Variants in CCDC171 observed in about 807,000 individuals in gnomAD.
CCDC171 encodes coiled-coil domain-containing protein 171.
In CCDC171, 177 loss-of-function variants were observed where a neutral mutation model predicts 168.2. That is an observed-to-expected ratio of 1.05 (90% CI 0.93 to 1.19). The LOEUF is 1.19. Ranked by LOEUF, CCDC171 falls within the 50% of genes most tolerant of loss-of-function variation. The pLI, the probability that CCDC171 is intolerant of heterozygous loss-of-function variation, is 0.00. For missense variants in CCDC171, 1,991 were observed against 1,539.0 expected, an observed-to-expected ratio of 1.29 and a Z score of -4.91; for synonymous variants, 687 against 540.8, an observed-to-expected ratio of 1.27 and a Z score of -3.75.
intron 3 of CCDC171, among the ~76,000 whole-genome samples, chr9:15,999,210 A>G (rs114476865): frequency 0.031 from 4,625 of 150,370 alleles, 211 homozygotes; most frequent in African/African-American, 0.11. Flanking sequence ...GACCCTTTTG[A>G]AAAAAAAAGG....
At chr9:15,912,959 TTCACG>T in intron 24 of CCDC171, among the ~76,000 whole-genome samples, 1 of 152,356 alleles carries the variant, frequency 6.6e-6, no homozygotes, top group East Asian at 1.9e-4. Context: ...ATTGAGGATT[TTCACG>T]TTGATATTCA....
rs547679290 is a variant in CCDC171, at chr9:15,717,154, G to A, written c.1319-4615G>A. Among the ~76,000 whole-genome samples, 17 of 152,306 alleles carry A rather than the reference G, an allele frequency of 1.1e-4. No individual in the cohort carries two copies. The South Asian group carries it at 3.3e-3, about 30-fold the overall frequency. On this transcript the variant is annotated intron_variant, in intron 11 of 25. Coordinates refer to ENST00000380701, the MANE Select transcript of CCDC171 (RefSeq NM_173550.4). ...TTCCATGCCCCAGCAGCGGCTATGT[G>A]GTGGGGGGAATCTGTGCACTTGGGG...
intron 24 of CCDC171, among the ~76,000 whole-genome samples, chr9:15,884,354 G>A (rs1302068328): frequency 6.6e-6 from 1 of 152,026 alleles, no homozygotes; most frequent in Non-Finnish European, 1.5e-5. Context: ...TTAAATATTT[G>A]CCATATAAAC....
chr9:15,581,386 C>G (rs940353409), intron 4 of CCDC171, among the ~76,000 whole-genome samples: 12 of 152,150 alleles, frequency 7.9e-5, no homozygotes, highest in African/African-American at 2.9e-4. Flanking sequence ...ATGCTGTCCC[C>G]ATCAAGCTAC....
rs549204961 is a variant in CCDC171, at chr9:15,660,987, A to G, written c.915+3768A>G. 3.9e-5 allele frequency among the ~76,000 whole-genome samples: 6 copies of G among 152,308 alleles called. No individual in the cohort carries two copies. In the East Asian group the frequency reaches 5.8e-4, roughly 15 times the overall value. On this transcript the variant is annotated intron_variant, in intron 8 of 25. Transcript: ENST00000380701. The stretch of plus-strand genomic sequence containing the variant: ...TCAGCAGCCTCACCAGCATCTTAAC[A>G]TGCTGTTTTTTTGCCGGGCGCGGGG...
intron 3 of CCDC171, among the ~76,000 whole-genome samples, chr9:16,010,466 G>T (rs554558121): frequency 6.3e-4 from 96 of 152,186 alleles, no homozygotes; most frequent in African/African-American, 2.2e-3. Context: ...GCAGCCATAT[G>T]TGTCTCTCTG....
downstream of CCDC171, among the ~76,000 whole-genome samples, chr9:16,066,326 A>T (rs530848696): frequency 1.3e-5 from 2 of 152,346 alleles, no homozygotes; most frequent in East Asian, 3.9e-4. Context: ...AAGAGCATTT[A>T]AAAATTATTG....
intron 4 of CCDC171, among the ~76,000 whole-genome samples, chr9:15,589,358 T>A (rs190618089): frequency 3.3e-5 from 5 of 152,322 alleles, no homozygotes; most frequent in Admixed American, 3.3e-4. Flanking sequence ...ATCTGGACTT[T>A]CCAATGACAC....
chr9:15,698,806 G>A (rs1268740488), intron 11 of CCDC171, among the ~76,000 whole-genome samples: 4 of 152,088 alleles, frequency 2.6e-5, no homozygotes. Flanking sequence ...TCCTGCCTCA[G>A]CCTCCTAAAT....
chr9:15,764,889 G>A (rs560327266), intron 18 of CCDC171, among the ~76,000 whole-genome samples: 1 of 152,250 alleles, frequency 6.6e-6, no homozygotes, highest in South Asian at 2.1e-4. Context: ...ACTGCTTTGG[G>A]GAGTGAGTAT....
chr9:15,620,361 G>C (rs1344347770), intron 6 of CCDC171, among the ~76,000 whole-genome samples: 1 of 152,152 alleles, frequency 6.6e-6, no homozygotes, highest in Non-Finnish European at 1.5e-5. Flanking sequence ...ATTAACAGGA[G>C]TTTGGAGGAA....
intron 10 of CCDC171, among the ~76,000 whole-genome samples, chr9:15,694,854 C>T (rs2051092475): frequency 6.6e-6 from 1 of 152,228 alleles, no homozygotes. Flanking sequence ...TTTTGACTGC[C>T]ATCTGGCAAC....
At chr9:16,002,981 A>T (rs1258944244) in intron 3 of CCDC171, among the ~76,000 whole-genome samples, 1 of 152,340 alleles carries the variant, frequency 6.6e-6, no homozygotes, top group East Asian at 1.9e-4. Flanking sequence ...TGTACACTCA[A>T]CATTTGCACA....
Position 15,874,584 on chromosome 9 carries a change from C to T in CCDC171, c.3521C>T (p.Thr1174Ile). The change falls in exon 24 of 26, where the codon ACC becomes ATC. Residue 1174 changes from threonine to isoleucine, a missense_variant. Coordinates refer to ENST00000380701, the MANE Select transcript of CCDC171 (RefSeq NM_173550.4). ...SWSAASRNDF[T>I]LQLPKLHLET... The stretch of plus-strand genomic sequence containing the variant: ...TCTGCGGCAAGTAGGAATGACTTCA[C>T]CCTACAGCTACCCAAACTGCACCTG... The T allele has an allele frequency of 6.2e-7, 1 of 1,607,994 alleles. No individual in the cohort carries two copies. The highest frequency in any genetic ancestry group is 1.1e-5 in the South Asian group (1 of 89,942).
intron 11 of CCDC171, among the ~76,000 whole-genome samples, chr9:15,721,208 G>T (rs920652119): frequency 2.0e-5 from 3 of 152,056 alleles, no homozygotes; most frequent in African/African-American, 7.2e-5. Flanking sequence ...ATTTCAAATT[G>T]TAACTTGAGA....
chr9:16,026,972 T>G (rs1348755806), intron 6 of CCDC171, among the ~76,000 whole-genome samples: 1 of 152,248 alleles, frequency 6.6e-6, no homozygotes, highest in Non-Finnish European at 1.5e-5. Context: ...CATGGTCATC[T>G]GTTTCCAACC....
intron 18 of CCDC171, among the ~76,000 whole-genome samples, chr9:15,755,282 G>A (rs2056030071): frequency 6.6e-6 from 1 of 152,132 alleles, no homozygotes; most frequent in South Asian, 2.1e-4. Context: ...TTGCAAGAAG[G>A]AAAAGGGAAG....
intron 16 of CCDC171, among the ~76,000 whole-genome samples, chr9:15,731,866 G>C (rs1021724627): frequency 2.6e-5 from 4 of 151,950 alleles, no homozygotes. Context: ...GGTATTGTCA[G>C]TCTTTTAAAT....
chr9:15,773,115 T>G (rs1159096033), intron 18 of CCDC171, among the ~76,000 whole-genome samples: 1 of 152,172 alleles, frequency 6.6e-6, no homozygotes, highest in Non-Finnish European at 1.5e-5. Flanking sequence ...TTCTCAATCT[T>G]TGAGTATGAG....
Sources: gnomAD v4.1 joint callset for allele counts (sites outside exome capture counted in the v4.1 genomes callset) on GRCh38, gnomAD v4.1.1 for gene constraint, MANE v1.5 for transcripts, NCBI Gene and HGNC (gene_info 2026-07-23, HGNC 2026-07-21) for gene names.